The following TAB2 variants were observed in gnomAD, a reference collection of about 807,000 sequenced individuals.
TAB2 encodes the protein TGF-beta-activated kinase 1 and MAP3K7-binding protein 2.
A neutral mutation model predicts 65.0 loss-of-function variants in TAB2; 3 were observed. The ratio of observed to expected loss-of-function variants is 0.05; its 90% CI spans 0.02 to 0.12. The LOEUF (loss-of-function observed/expected upper bound fraction) is 0.12, where lower values mean the gene tolerates loss of function less well. TAB2 is among the 10% of genes least tolerant of loss of function. The pLI is 1.00. For missense variants in TAB2, 623 were observed against 840.3 expected (o/e 0.74, Z 3.20); for synonymous variants, 298 against 285.1 (o/e 1.05, Z -0.46).
intron 1 of TAB2, among the ~76,000 whole-genome samples, chr6:149,363,190 T>C (rs1780910676): frequency 6.6e-6 from 1 of 151,842 alleles, no homozygotes; most frequent in African/African-American, 2.4e-5. Context: ...GGCAGAGGAG[T>C]ATAGCAGTGG....
chr6:149,364,624 C>A lies in TAB2; in HGVS notation c.-89-5285C>A, dbSNP rs959085217. Among the ~76,000 whole-genome samples, 17 of 151,258 alleles carry A rather than the reference C, an allele frequency of 1.1e-4. 1 individual carries two copies. The highest frequency in any genetic ancestry group is 9.3e-4 in the Admixed American group (14 of 15,126). On this transcript the variant is annotated intron_variant, in intron 1 of 6. Coordinates refer to ENST00000637181, the MANE Select transcript of TAB2 (RefSeq NM_001292034.3). The stretch of plus-strand genomic sequence containing the variant: ...ACTTGTACTATCTCCAGCATGGTAT[C>A]TCCTGCATACTAGGCACTCATTCAA...
intron 1 of TAB2, among the ~76,000 whole-genome samples, chr6:149,251,690 C>G (rs1460628328): frequency 6.6e-6 from 1 of 152,216 alleles, no homozygotes; most frequent in Middle Eastern, 3.2e-3. Flanking sequence ...ACAGGAACCT[C>G]TGCTCTTGAA....
intron 3 of TAB2, among the ~76,000 whole-genome samples, chr6:149,383,899 A>G (rs753962799): frequency 9.2e-5 from 14 of 152,092 alleles, no homozygotes; most frequent in Non-Finnish European, 1.8e-4. Flanking sequence ...CACAATCTTG[A>G]TCTAGTGTTT....
chr6:149,257,821 G>A (rs986330047), intron 1 of TAB2, among the ~76,000 whole-genome samples: 2 of 151,934 alleles, frequency 1.3e-5, no homozygotes, highest in African/African-American at 2.4e-5. Context: ...AGCAAGACAA[G>A]CACAAGCGAG....
At chr6:149,338,803 C>T (rs1208005439) in intron 1 of TAB2, among the ~76,000 whole-genome samples, 2 of 152,134 alleles carry the variant, frequency 1.3e-5, no homozygotes, top group Admixed American at 6.5e-5. Context: ...ACTCATGGAA[C>T]CAAACCTGGA....
intron 1 of TAB2, among the ~76,000 whole-genome samples, chr6:149,271,144 G>C (rs1778355130): frequency 6.6e-6 from 1 of 152,032 alleles, no homozygotes; most frequent in African/African-American, 2.4e-5. Flanking sequence ...GGAGTTAGAG[G>C]CTGCAGTGAG....
chr6:149,232,487 CAA>C (rs1457799998), intron 1 of TAB2, among the ~76,000 whole-genome samples: 2 of 152,132 alleles, frequency 1.3e-5, no homozygotes, highest in African/African-American at 4.8e-5. Flanking sequence ...TCGGCCTCTC[CAA>C]GTGTTGAGAT....
At chr6:149,375,144 A>G (rs532851534) in intron 2 of TAB2, among the ~76,000 whole-genome samples, 1 of 152,174 alleles carries the variant, frequency 6.6e-6, no homozygotes, top group Non-Finnish European at 1.5e-5. Context: ...ACAAATCAAA[A>G]CGAGATAATG....
At chr6:149,286,673 T>C (rs535351409) in intron 1 of TAB2, among the ~76,000 whole-genome samples, 1 of 152,340 alleles carries the variant, frequency 6.6e-6, no homozygotes, top group African/African-American at 2.4e-5. Flanking sequence ...ACAAAACCTG[T>C]AGACTCAGTT....
At chr6:149,400,649 G>A (rs1206992487) in intron 6 of TAB2, 1 of 1,614,188 alleles carries the variant, frequency 6.2e-7, no homozygotes, top group East Asian at 2.2e-5. Context: ...CAATTGATGT[G>A]TTTCAACAGC....
chr6:149,331,393 T>G (rs1175507195), intron 1 of TAB2, among the ~76,000 whole-genome samples: 1 of 152,180 alleles, frequency 6.6e-6, no homozygotes, highest in Admixed American at 6.5e-5. Flanking sequence ...GTTGGTTGAT[T>G]TCTGTGAGTG....
chr6:149,350,072 C>T (rs925037543), intron 1 of TAB2, among the ~76,000 whole-genome samples: 7 of 152,068 alleles, frequency 4.6e-5, no homozygotes, highest in Non-Finnish European at 7.4e-5. Context: ...GCTGGGATTA[C>T]AGGCGCCTGC....
intron 6 of TAB2, among the ~76,000 whole-genome samples, chr6:149,405,887 TA>T: frequency 6.6e-6 from 1 of 152,096 alleles, no homozygotes; most frequent in Non-Finnish European, 1.5e-5. Flanking sequence ...AAGGAGATCT[TA>T]AGTGTTCTCA....
At chr6:149,320,054 AT>A (rs890001009) in intron 1 of TAB2, among the ~76,000 whole-genome samples, 2 of 151,722 alleles carry the variant, frequency 1.3e-5, no homozygotes, top group Middle Eastern at 3.4e-3. Flanking sequence ...CTGGGAAACA[AT>A]TTTTTTTTAA....
chr6:149,358,254 A>G (rs188721495), intron 1 of TAB2, among the ~76,000 whole-genome samples: 227 of 152,242 alleles, frequency 1.5e-3, no homozygotes, highest in African/African-American at 5.1e-3. Flanking sequence ...TCTAAACACG[A>G]TATTGATTTA....
chr6:149,245,356 T>G (rs1777690350), intron 1 of TAB2: 1 of 152,220 alleles, frequency 6.6e-6, no homozygotes, highest in Admixed American at 6.5e-5. Context: ...TGCTGTTTAT[T>G]TCTCCCAAAG....
chr6:149,319,178 G>C (rs568764609), intron 1 of TAB2, among the ~76,000 whole-genome samples: 36 of 152,318 alleles, frequency 2.4e-4, no homozygotes, highest in African/African-American at 7.2e-4. Flanking sequence ...TACTCTAAAG[G>C]TTATGATGAT....
chr6:149,289,882 CAT>C (rs1014187361), intron 1 of TAB2, among the ~76,000 whole-genome samples: 15 of 152,084 alleles, frequency 9.9e-5, no homozygotes, highest in African/African-American at 3.4e-4. Flanking sequence ...CAACTGGAAA[CAT>C]GTGGGGTGTG....
At position 149,397,441 on chromosome 6, in the gene TAB2, C is replaced by CA. The variant is rs375953182; in HGVS notation, c.1604-148dup. Among the ~76,000 whole-genome samples the CA allele has an allele frequency of 3.5e-3, 457 of 129,060 alleles. No individual in the cohort carries two copies. Among genetic ancestry groups the CA allele is most frequent in the South Asian group, 5.5e-3 (22 of 3,998 alleles). 84.7% of individuals were successfully genotyped at this position (129,060 alleles called of 152,430 possible). On this transcript the variant is annotated intron_variant, in intron 3 of 6. Coordinates refer to ENST00000637181, the MANE Select transcript of TAB2 (RefSeq NM_001292034.3). ...GAGCAACAAGAGTAAAACTCTGTGT[C>CA]AAAAAAAAAAAAAAATTGAAATTTT...
Sources: allele counts gnomAD v4.1 joint callset (sites outside exome capture counted in the v4.1 genomes callset), GRCh38; gene constraint gnomAD v4.1.1; transcripts MANE v1.5; gene names NCBI Gene and HGNC (gene_info 2026-07-23, HGNC 2026-07-21).